DLG2: variants seen among roughly 807,000 people sequenced by gnomAD.
DLG2 encodes the protein disks large homolog 2.
DLG2 carries 45 observed loss-of-function variants against 132.5 expected under a neutral mutation model. The ratio of observed to expected loss-of-function variants is 0.34; its 90% CI spans 0.27 to 0.44. The LOEUF (loss-of-function observed/expected upper bound fraction) is 0.44. Ranked by LOEUF, DLG2 falls within the 20% of genes least tolerant of loss-of-function variation. The probability of loss-of-function intolerance (pLI) is 1.00; values close to 1 mark genes in which losing one functional copy is unlikely to be tolerated. For missense variants in DLG2, 1,045 were observed against 1,196.9 expected (o/e 0.87, Z 1.87); for synonymous variants, 424 against 419.6 (o/e 1.01, Z -0.13).
intron 3 of DLG2, among the ~76,000 whole-genome samples, chr11:85,381,850 A>C (rs1053678683): frequency 6.6e-6 from 1 of 152,158 alleles, no homozygotes; most frequent in African/African-American, 2.4e-5. Context: ...GTAAAGATAT[A>C]GATAAACAGA....
chr11:83,482,254 C>G (rs1424581119), intron 22 of DLG2, among the ~76,000 whole-genome samples: 1 of 151,990 alleles, frequency 6.6e-6, no homozygotes, highest in African/African-American at 2.4e-5. Context: ...CCCTTGAAAA[C>G]AAAGTCCAGT....
At chr11:84,213,912 T>C (rs1201630161) in intron 8 of DLG2, among the ~76,000 whole-genome samples, 2 of 151,336 alleles carry the variant, frequency 1.3e-5, no homozygotes, top group Non-Finnish European at 2.9e-5. Context: ...TGGTTTTTGT[T>C]ATTGCACTAG....
chr11:84,395,800 T>C (rs1474304199), intron 7 of DLG2, among the ~76,000 whole-genome samples: 1 of 152,200 alleles, frequency 6.6e-6, no homozygotes, highest in East Asian at 1.9e-4. Context: ...AATAAATAAA[T>C]AAAAGTTTTG....
Position 84,965,022 on chromosome 11 carries a change from C to T in DLG2, c.357+146639G>A, listed in dbSNP as rs565583975. 2.9e-3 allele frequency among the ~76,000 whole-genome samples: 437 copies of T among 152,060 alleles called. 9 individuals carry two copies. The highest frequency in any genetic ancestry group is 9.8e-3 in the African/African-American group (406 of 41,498). ...AATTATCTTTGGAAGGAAACTTTGC[C>T]GTGTATATTTTAATATTATTTATAC... On this transcript the variant is annotated intron_variant, in intron 6 of 27. Coordinates refer to ENST00000376104, the MANE Select transcript of DLG2 (RefSeq NM_001142699.3).
At chr11:84,638,785 TTGTGTGTG>T (rs976548379) in intron 6 of DLG2, among the ~76,000 whole-genome samples, 2 of 151,924 alleles carry the variant, frequency 1.3e-5, no homozygotes, top group African/African-American at 4.8e-5. Flanking sequence ...GATTTCATAT[TTGTGTGTG>T]TGTGTATGTG....
intron 12 of DLG2, among the ~76,000 whole-genome samples, chr11:83,972,931 C>T (rs1016221169): frequency 2.0e-5 from 3 of 152,034 alleles, no homozygotes; most frequent in Non-Finnish European, 4.4e-5. Context: ...ATTCTTCCTT[C>T]ATTAATCATT....
Position 84,651,345 on chromosome 11 carries a change from T to C in DLG2, c.358-116614A>G, listed in dbSNP as rs114536390. On this transcript the variant is annotated intron_variant, in intron 6 of 27. Transcript: ENST00000376104. ...ATATCGTCTTAGAAAATCTTAGCCT[T>C]TTCCTGTTGTTATGTAGTATTTTTG... Among the ~76,000 whole-genome samples the C allele has an allele frequency of 4.4e-3, 671 of 152,250 alleles. 5 individuals carry two copies. Among genetic ancestry groups the C allele is most frequent in the African/African-American group, 0.015 (644 of 41,550 alleles).
intron 6 of DLG2, among the ~76,000 whole-genome samples, chr11:84,900,357 A>G (rs2090733057): frequency 6.6e-6 from 1 of 152,090 alleles, no homozygotes; most frequent in South Asian, 2.1e-4. Flanking sequence ...TTGAACCCAC[A>G]AATATTCTGT....
intron 4 of DLG2, among the ~76,000 whole-genome samples, chr11:85,214,715 T>G (rs1298886663): frequency 1.3e-5 from 2 of 152,218 alleles, no homozygotes; most frequent in African/African-American, 4.8e-5. Context: ...ACTTTGGATA[T>G]CCACATAAAA....
At chr11:84,651,834 A>G (rs1431236469) in intron 6 of DLG2, among the ~76,000 whole-genome samples, 1 of 152,182 alleles carries the variant, frequency 6.6e-6, no homozygotes, top group Non-Finnish European at 1.5e-5. Context: ...AAACTCTGTG[A>G]TCCAGTTCAG....
intron 6 of DLG2, among the ~76,000 whole-genome samples, chr11:84,669,328 T>C (rs2099703254): frequency 6.6e-6 from 1 of 152,128 alleles, no homozygotes; most frequent in Non-Finnish European, 1.5e-5. Flanking sequence ...GTCCAGATAC[T>C]AAGGAAAACA....
chr11:83,525,757 A>G (rs2095592386), intron 21 of DLG2, among the ~76,000 whole-genome samples: 1 of 152,142 alleles, frequency 6.6e-6, no homozygotes, highest in African/African-American at 2.4e-5. Context: ...CCATTCCAAG[A>G]CCGGCTCCAT....
intron 7 of DLG2, among the ~76,000 whole-genome samples, chr11:84,287,263 C>T (rs538635337): frequency 9.2e-5 from 14 of 152,226 alleles, no homozygotes; most frequent in African/African-American, 2.9e-4. Flanking sequence ...ACCTCCATTA[C>T]ATTTTCATCA....
intron 3 of DLG2, among the ~76,000 whole-genome samples, chr11:85,517,280 C>A (rs781312228): frequency 6.6e-6 from 1 of 151,888 alleles, no homozygotes; most frequent in East Asian, 1.9e-4. Flanking sequence ...AAGAAACATA[C>A]CTCAAAATAA....
chr11:83,541,017 G>C (rs911757514), intron 20 of DLG2, among the ~76,000 whole-genome samples: 2 of 152,074 alleles, frequency 1.3e-5, no homozygotes, highest in Non-Finnish European at 2.9e-5. Flanking sequence ...CTGAAGAAAT[G>C]CTTGGAAGAG....
At chr11:83,910,553 AG>A (rs1429069525) in intron 15 of DLG2, among the ~76,000 whole-genome samples, 1 of 152,166 alleles carries the variant, frequency 6.6e-6, no homozygotes, top group African/African-American at 2.4e-5. Context: ...AATAGCTAGA[AG>A]GAAAATATTA....
At chr11:84,577,717 T>C (rs1300967418) in intron 6 of DLG2, among the ~76,000 whole-genome samples, 2 of 152,058 alleles carry the variant, frequency 1.3e-5, no homozygotes, top group Non-Finnish European at 2.9e-5. Context: ...GATGATACAG[T>C]AGAAAAGAAA....
intron 6 of DLG2, among the ~76,000 whole-genome samples, chr11:85,005,096 T>G (rs919114300): frequency 6.6e-6 from 1 of 152,250 alleles, no homozygotes; most frequent in African/African-American, 2.4e-5. Flanking sequence ...ATATCTATTT[T>G]GGTACCAATA....
At chr11:83,643,948 T>G (rs1000346684) in intron 18 of DLG2, among the ~76,000 whole-genome samples, 1 of 152,088 alleles carries the variant, frequency 6.6e-6, no homozygotes, top group Non-Finnish European at 1.5e-5. Flanking sequence ...ACTTGTTTGG[T>G]TACCCTAAGT....
Sources: gnomAD v4.1 joint callset for allele counts (sites outside exome capture counted in the v4.1 genomes callset) on GRCh38, gnomAD v4.1.1 for gene constraint, MANE v1.5 for transcripts, NCBI Gene and HGNC (gene_info 2026-07-23, HGNC 2026-07-21) for gene names.